BRINP1: variants seen among roughly 807,000 people sequenced by gnomAD.
BRINP1 encodes BMP/retinoic acid-inducible neural-specific protein 1.
A neutral mutation model predicts 72.9 loss-of-function variants in BRINP1; 17 were observed. The ratio of observed to expected loss-of-function variants is 0.23; its 90% CI spans 0.16 to 0.35. The LOEUF is 0.35. BRINP1 is among the 10% of genes least tolerant of loss of function. BRINP1 has a pLI of 1.00. For missense variants in BRINP1, 850 were observed against 1,001.6 expected (o/e 0.85, Z 2.04); for synonymous variants, 418 against 378.5 (o/e 1.10, Z -1.21).
intron 1 of BRINP1, among the ~76,000 whole-genome samples, chr9:119,332,599 A>G (rs920797529): frequency 1.3e-5 from 2 of 152,164 alleles, no homozygotes; most frequent in African/African-American, 2.4e-5. Flanking sequence ...GTGAGTTTCT[A>G]CTTAACCTCT....
intron 7 of BRINP1, among the ~76,000 whole-genome samples, chr9:119,188,335 A>T (rs561174752): frequency 7.9e-5 from 12 of 152,338 alleles, no homozygotes; most frequent in African/African-American, 2.9e-4. Flanking sequence ...TGATACAGTT[A>T]AAGTGCTGAA....
Position 119,167,994 on chromosome 9 carries a change from C to A in BRINP1, c.1376G>T (p.Gly459Val). ...SCNKGYKLYR[G>V]RCEPQNVDSE... Reference sequence around the variant, plus strand: ...GTCCACGTTCTGTGGTTCACAGCGGCCTCGATACAGCTTGTAGCCCTTGTT... The same window carrying A: ...GTCCACGTTCTGTGGTTCACAGCGGACTCGATACAGCTTGTAGCCCTTGTT... Residue 459 changes from glycine to valine, a missense_variant, in exon 8 of 8, where the codon GGC (glycine) becomes GTC (valine). Transcript: ENST00000265922. The surrounding 1 kb of genome is among the most constrained non-coding windows in gnomAD (Gnocchi z 4.3). 1 of 1,614,200 alleles carries A rather than the reference C, an allele frequency of 6.2e-7. No individual in the cohort carries two copies. The highest frequency in any genetic ancestry group is 8.5e-7 in the Non-Finnish European group (1 of 1,180,022).
chr9:119,323,654 C>T (rs1420358229), intron 1 of BRINP1, among the ~76,000 whole-genome samples: 1 of 152,202 alleles, frequency 6.6e-6, no homozygotes. Context: ...AAAAGGTTAG[C>T]ATTAAACATC....
At chr9:119,263,919 A>G (rs192918117) in intron 2 of BRINP1, among the ~76,000 whole-genome samples, 5 of 152,172 alleles carry the variant, frequency 3.3e-5, no homozygotes, top group African/African-American at 4.8e-5. Flanking sequence ...ACAATTCTTA[A>G]ATAAATGAAG....
intron 1 of BRINP1, among the ~76,000 whole-genome samples, chr9:119,365,377 GA>G (rs1328971964): frequency 4.6e-5 from 7 of 152,180 alleles, no homozygotes; most frequent in African/African-American, 1.7e-4. Context: ...TTCTTCACAT[GA>G]CCTCCATCTT....
chr9:119,306,415 C>T (rs894661079), intron 2 of BRINP1, among the ~76,000 whole-genome samples: 5 of 152,032 alleles, frequency 3.3e-5, no homozygotes, highest in Non-Finnish European at 5.9e-5. Flanking sequence ...TTGGATTAAG[C>T]GAGGGATGTA....
chr9:119,167,143 C>T lies in BRINP1; in HGVS notation c.2227G>A (p.Asp743Asn), dbSNP rs865876528. The T allele has an allele frequency of 6.2e-7, 1 of 1,613,844 alleles. No homozygotes were observed. ...TTGAGGATCTCCGTGTTGTACAGGT[C>T]CAAGGCGTGGTTCACCCTGATGATC... ...SEIIRVNHAL[D>N]LYNTEILKQS... is the part of the protein sequence containing the mutation. Residue 743 changes from aspartate to asparagine, a missense_variant, in exon 8 of 8, where the codon GAC (aspartate) becomes AAC (asparagine). Asp to Asn is a conservative substitution (Grantham distance 23). Coordinates refer to ENST00000265922, the MANE Select transcript of BRINP1 (RefSeq NM_014618.3). This position sits in a 1 kb window ranked among gnomAD's most constrained non-coding sequence, Gnocchi z 4.3.
At chr9:119,261,395 G>A (rs1830493953) in intron 2 of BRINP1, among the ~76,000 whole-genome samples, 1 of 152,154 alleles carries the variant, frequency 6.6e-6, no homozygotes, top group Non-Finnish European at 1.5e-5. Context: ...GCACCAAGAT[G>A]ATGGATAACT....
chr9:119,203,768 G>C (rs1164225708), intron 7 of BRINP1, among the ~76,000 whole-genome samples: 1 of 152,078 alleles, frequency 6.6e-6, no homozygotes, highest in Non-Finnish European at 1.5e-5. Context: ...GTAAGTAACT[G>C]CTATTGCTTC....
rs58972395 is a variant in BRINP1 at position 119,255,954 on chromosome 9, CAAAAAAAAAAAA to C, written c.219-6816_219-6805del. On this transcript the variant is annotated intron_variant, in intron 2 of 7. Coordinates refer to ENST00000265922, the MANE Select transcript of BRINP1 (RefSeq NM_014618.3). ...CGGGCAACGGAGCAAGACTCCAGCT[CAAAAAAAAAAAA>C]AAAAAAAAAAAAAAAAACACGAGAC... 1.9e-3 allele frequency among the ~76,000 whole-genome samples: 100 copies of C among 53,504 alleles called. 1 individual carries two copies. Among genetic ancestry groups the C allele is most frequent in the African/African-American group, 7.0e-3 (90 of 12,874 alleles). 35.1% of individuals were successfully genotyped at this position (53,504 alleles called of 152,430 possible).
intron 7 of BRINP1, among the ~76,000 whole-genome samples, chr9:119,170,646 C>T (rs1480549988): frequency 7.0e-6 from 1 of 143,856 alleles, no homozygotes; most frequent in African/African-American, 2.7e-5. Flanking sequence ...CAAAGATACT[C>T]CTTGAGAAGA....
chr9:119,351,910 G>C (rs965616955), intron 1 of BRINP1, among the ~76,000 whole-genome samples: 3 of 151,614 alleles, frequency 2.0e-5, no homozygotes, highest in Non-Finnish European at 4.4e-5. Context: ...TCCGCCTCCT[G>C]GGTTCAAGCC....
intron 2 of BRINP1, among the ~76,000 whole-genome samples, chr9:119,307,630 G>C (rs563956576): frequency 6.6e-6 from 1 of 152,148 alleles, no homozygotes; most frequent in Non-Finnish European, 1.5e-5. Flanking sequence ...TACTCAAAAC[G>C]AAGAGGTATC....
chr9:119,269,984 A>G (rs1341046527), intron 2 of BRINP1, among the ~76,000 whole-genome samples: 2 of 152,168 alleles, frequency 1.3e-5, no homozygotes, highest in African/African-American at 4.8e-5. Context: ...TGGAACAGAG[A>G]AGGGGAGACT....
intron 7 of BRINP1, among the ~76,000 whole-genome samples, chr9:119,178,201 AGAGC>A (rs1436619891): frequency 6.6e-6 from 1 of 152,162 alleles, no homozygotes; most frequent in Non-Finnish European, 1.5e-5. Flanking sequence ...GATTTGGGAA[AGAGC>A]CCAGGCGGGG....
intron 2 of BRINP1, among the ~76,000 whole-genome samples, chr9:119,249,355 T>C (rs570197081): frequency 1.3e-5 from 2 of 152,300 alleles, no homozygotes; most frequent in South Asian, 4.1e-4. Flanking sequence ...CACAGGAATA[T>C]TGAACTAGAT....
At chr9:119,212,674 C>T (rs1412829423) in intron 6 of BRINP1, among the ~76,000 whole-genome samples, 2 of 152,170 alleles carry the variant, frequency 1.3e-5, no homozygotes, top group East Asian at 1.9e-4. Context: ...GTTGTAAAGA[C>T]AGGAATGCTT....
intron 5 of BRINP1, among the ~76,000 whole-genome samples, chr9:119,235,636 A>G (rs7858110): frequency 2.0e-5 from 3 of 152,126 alleles, no homozygotes; most frequent in African/African-American, 7.2e-5. Context: ...TGTCTTGTTC[A>G]CGACTTTATT....
At chr9:119,244,661 G>C (rs1830295777) in intron 3 of BRINP1, among the ~76,000 whole-genome samples, 1 of 152,182 alleles carries the variant, frequency 6.6e-6, no homozygotes, top group South Asian at 2.1e-4. Flanking sequence ...GGTTCCCTCT[G>C]GACTGAGAAC....
Sources: gnomAD v4.1 joint callset for allele counts (sites outside exome capture counted in the v4.1 genomes callset) on GRCh38, gnomAD v4.1.1 for gene constraint, Gnocchi (gnomAD v3.1) non-coding constraint, MANE v1.5 for transcripts, NCBI Gene and HGNC (gene_info 2026-07-23, HGNC 2026-07-21) for gene names.